The following RFC1 variants were observed in gnomAD, a reference collection of about 807,000 sequenced individuals.
RFC1 encodes the protein replication factor C subunit 1, also known as A1 140 kDa subunit.
Under a neutral mutation model 137.4 loss-of-function variants are expected in RFC1, and 37 were observed. That is an observed-to-expected ratio of 0.27 (90% CI 0.21 to 0.35). The LOEUF is 0.35. RFC1 is among the 10% of genes least tolerant of loss of function. The probability of loss-of-function intolerance (pLI) is 1.00; values close to 1 mark genes in which losing one functional copy is unlikely to be tolerated. For missense variants in RFC1, 1,205 were observed against 1,358.5 expected (o/e 0.89, Z 1.78); for synonymous variants, 429 against 455.7 (o/e 0.94, Z 0.75).
chr4:39,325,546 T>C (rs528590336), intron 6 of RFC1, among the ~76,000 whole-genome samples: 28 of 152,064 alleles, frequency 1.8e-4, no homozygotes, highest in Non-Finnish European at 4.0e-4. Flanking sequence ...CCATGCCCAG[T>C]TGATTTTTGT....
intron 2 of RFC1, among the ~76,000 whole-genome samples, chr4:39,349,352 T>A (rs965738784): frequency 1.3e-5 from 2 of 152,136 alleles, no homozygotes; most frequent in African/African-American, 2.4e-5. Flanking sequence ...AAACAAGTAA[T>A]TAAGGATAAA....
chr4:39,332,365 G>A (rs1740144383), intron 4 of RFC1, among the ~76,000 whole-genome samples: 1 of 152,100 alleles, frequency 6.6e-6, no homozygotes, highest in Admixed American at 6.5e-5. Context: ...CTATTCTGTT[G>A]CTGGCTTCAC....
At chr4:39,363,255 A>C (rs867897708) in intron 1 of RFC1, among the ~76,000 whole-genome samples, 2 of 152,222 alleles carry the variant, frequency 1.3e-5, no homozygotes, top group South Asian at 4.1e-4. Context: ...TGGCTTCTTT[A>C]TTTCTTTTAT....
At chr4:39,294,506 C>T (rs1737866945) in intron 22 of RFC1, among the ~76,000 whole-genome samples, 1 of 150,906 alleles carries the variant, frequency 6.6e-6, no homozygotes, top group Non-Finnish European at 1.5e-5. Flanking sequence ...ACCGTCTCTA[C>T]TAAAAAATAC....
intron 22 of RFC1, 78 bp downstream of exon 22, chr4:39,295,536 G>T: frequency 8.5e-7 from 1 of 1,182,992 alleles, no homozygotes; most frequent in South Asian, 1.9e-5. Flanking sequence ...CAAATCTTTT[G>T]ACTCACATGA....
intron 9 of RFC1, 135 bp from the exon 10 acceptor site, chr4:39,317,157 C>T: frequency 1.7e-6 from 1 of 589,668 alleles, no homozygotes; most frequent in East Asian, 3.0e-5. Flanking sequence ...GTTTTAGCTA[C>T]ACAAGTACTT....
intron 1 of RFC1, among the ~76,000 whole-genome samples, chr4:39,360,952 TATC>T (rs1343712991): frequency 8.5e-5 from 13 of 152,212 alleles, no homozygotes; most frequent in Non-Finnish European, 1.3e-4. Flanking sequence ...AGAAATGGAT[TATC>T]ATCAACATAC....
At chr4:39,329,364 C>G (rs1196082168) in intron 4 of RFC1, among the ~76,000 whole-genome samples, 1 of 151,164 alleles carries the variant, frequency 6.6e-6, no homozygotes, top group Non-Finnish European at 1.5e-5. Context: ...GGGAGGCAGG[C>G]AGATCACTTC....
intron 10 of RFC1, among the ~76,000 whole-genome samples, chr4:39,313,182 A>G (rs1031258943): frequency 5.3e-5 from 8 of 152,208 alleles, no homozygotes; most frequent in Admixed American, 4.6e-4. Context: ...ACTGTTAGCA[A>G]AGCTATTAAA....
intron 24 of RFC1, among the ~76,000 whole-genome samples, chr4:39,289,289 G>A (rs17288813): frequency 1.3e-5 from 2 of 152,186 alleles, no homozygotes; most frequent in South Asian, 2.1e-4. Context: ...CGACATGGGA[G>A]CCACAGTGAA....
intron 4 of RFC1, among the ~76,000 whole-genome samples, chr4:39,332,498 G>C (rs1221578439): frequency 6.6e-6 from 1 of 151,938 alleles, no homozygotes; most frequent in Non-Finnish European, 1.5e-5. Context: ...TCAATACATA[G>C]ACCCCATTTT....
chr4:39,343,516 G>A (rs1432014956), intron 3 of RFC1, among the ~76,000 whole-genome samples: 1 of 152,160 alleles, frequency 6.6e-6, no homozygotes, highest in Non-Finnish European at 1.5e-5. Context: ...CAAAGTGTGA[G>A]TACCTGGCAC....
intron 24 of RFC1, chr4:39,289,547 TACAAACATTTTTCTTGAAAGCATAC>T (rs1737553149): frequency 7.4e-6 from 2 of 269,464 alleles, no homozygotes; most frequent in East Asian, 1.7e-4. Flanking sequence ...ACTGTTTTGT[TACAAACATTTTTCTTGAAAGCATAC>T]ACCAATGGCT....
intron 1 of RFC1, among the ~76,000 whole-genome samples, chr4:39,363,435 C>A (rs1041786640): frequency 6.6e-6 from 1 of 152,184 alleles, no homozygotes; most frequent in African/African-American, 2.4e-5. Flanking sequence ...GCAATTGTTT[C>A]ATATCAGAGT....
chr4:39,297,928 T>C (rs1738111877), intron 21 of RFC1, among the ~76,000 whole-genome samples: 1 of 152,250 alleles, frequency 6.6e-6, no homozygotes. Flanking sequence ...CTTTAGGAAG[T>C]ATTTTTGTAC....
chr4:39,307,344 A>G (rs1458228880), intron 13 of RFC1: 1 of 153,238 alleles, frequency 6.5e-6, no homozygotes, highest in African/African-American at 2.4e-5. Context: ...CTCATACTCA[A>G]TAACTGACAG....
At chr4:39,328,918 C>T (rs953369006) in intron 4 of RFC1, among the ~76,000 whole-genome samples, 2 of 151,890 alleles carry the variant, frequency 1.3e-5, no homozygotes, top group Non-Finnish European at 2.9e-5. Flanking sequence ...CAGGTTCTAG[C>T]TATATATTGC....
At chr4:39,294,041 T>C (rs1387945372) in intron 22 of RFC1, among the ~76,000 whole-genome samples, 1 of 152,198 alleles carries the variant, frequency 6.6e-6, no homozygotes, top group Non-Finnish European at 1.5e-5. Context: ...TTGTGATAAC[T>C]GCACAGATAA....
chr4:39,338,143 T>C (rs942415803), intron 4 of RFC1, among the ~76,000 whole-genome samples: 8 of 152,218 alleles, frequency 5.3e-5, no homozygotes, highest in African/African-American at 1.7e-4. Flanking sequence ...CTAGAGTCAA[T>C]AGTTGGCTAT....
Sources: allele counts gnomAD v4.1 joint callset (sites outside exome capture counted in the v4.1 genomes callset), GRCh38; gene constraint gnomAD v4.1.1; transcripts MANE v1.5; gene names NCBI Gene and HGNC (gene_info 2026-07-23, HGNC 2026-07-21).